The following ULK4 variants were observed in gnomAD, a reference collection of about 807,000 sequenced individuals.
ULK4 encodes inactive serine/threonine-protein kinase ULK4.
A neutral mutation model predicts 160.6 loss-of-function variants in ULK4; 133 were observed. The observed-to-expected ratio is 0.83, with a 90% CI of 0.72 to 0.96. The LOEUF (loss-of-function observed/expected upper bound fraction) is 0.96. Ranked by LOEUF, ULK4 falls within the 40% of genes least tolerant of loss-of-function variation. The pLI, the probability that ULK4 is intolerant of heterozygous loss-of-function variation, is 0.00. For missense variants in ULK4, 1,580 were observed against 1,499.5 expected (o/e 1.05, Z -0.89); for synonymous variants, 534 against 539.8 (o/e 0.99, Z 0.15).
intron 27 of ULK4, among the ~76,000 whole-genome samples, chr3:41,700,341 TAC>T (rs2036632286): frequency 6.6e-6 from 1 of 152,100 alleles, no homozygotes; most frequent in Non-Finnish European, 1.5e-5. Flanking sequence ...CCTCCTAGCA[TAC>T]AGAGTTTTAT....
At chr3:41,584,736 T>C (rs2030665035) in intron 31 of ULK4, among the ~76,000 whole-genome samples, 1 of 152,152 alleles carries the variant, frequency 6.6e-6, no homozygotes. Flanking sequence ...GAAAAATTAG[T>C]AAAGATAAGA....
intron 32 of ULK4, among the ~76,000 whole-genome samples, chr3:41,496,946 C>A (rs2085013160): frequency 6.6e-6 from 1 of 151,148 alleles, no homozygotes; most frequent in Non-Finnish European, 1.5e-5. Context: ...AGGAAGACAA[C>A]AAAATTCAGA....
At chr3:41,759,288 G>A (rs946072293) in intron 21 of ULK4, among the ~76,000 whole-genome samples, 1 of 151,946 alleles carries the variant, frequency 6.6e-6, no homozygotes, top group African/African-American at 2.4e-5. Flanking sequence ...TACAAAAAAA[G>A]CTCCTATAAG....
intron 23 of ULK4, 93 bp from the exon 24 acceptor site, chr3:41,715,661 A>C (rs1288700019): frequency 6.7e-7 from 1 of 1,501,722 alleles, no homozygotes; most frequent in Non-Finnish European, 9.0e-7. Flanking sequence ...GGGACTTCTA[A>C]GGTAATTAAT....
intron 29 of ULK4, among the ~76,000 whole-genome samples, chr3:41,679,614 A>T (rs1319504301): frequency 2.0e-5 from 3 of 152,212 alleles, no homozygotes; most frequent in African/African-American, 7.2e-5. Context: ...ATACTAAAGG[A>T]AATATTTATT....
At chr3:41,286,108 T>C (rs2079451792) in intron 35 of ULK4, among the ~76,000 whole-genome samples, 1 of 152,198 alleles carries the variant, frequency 6.6e-6, no homozygotes, top group African/African-American at 2.4e-5. Context: ...CTCATTTTGA[T>C]GCACACGCTA....
At chr3:41,588,560 C>CT (rs2031007694) in intron 31 of ULK4, among the ~76,000 whole-genome samples, 1 of 152,154 alleles carries the variant, frequency 6.6e-6, no homozygotes, top group African/African-American at 2.4e-5. Context: ...GTCTGCTAGC[C>CT]ATTCTAGCCT....
intron 32 of ULK4, among the ~76,000 whole-genome samples, chr3:41,498,879 G>A (rs972749479): frequency 6.6e-6 from 1 of 152,180 alleles, no homozygotes. Context: ...ACAGGCGTGA[G>A]CCACTGTCTG....
intron 9 of ULK4, 45 bp downstream of exon 9, chr3:41,912,762 G>A: frequency 6.6e-7 from 1 of 1,523,404 alleles, no homozygotes. Flanking sequence ...ATGGGCTTAA[G>A]TGTCCAGTAA....
chr3:41,820,462 C>A (rs2041109920), intron 18 of ULK4, among the ~76,000 whole-genome samples: 1 of 152,166 alleles, frequency 6.6e-6, no homozygotes. Context: ...TATATATCCA[C>A]CACGAAATAC....
At chr3:41,692,197 C>T (rs1222467878) in intron 27 of ULK4, among the ~76,000 whole-genome samples, 4 of 149,584 alleles carry the variant, frequency 2.7e-5, no homozygotes, top group Non-Finnish European at 6.0e-5. Flanking sequence ...GTGATCTGCC[C>T]GCCTCGGCCT....
Position 41,632,382 on chromosome 3 carries a change from G to A in ULK4, c.3072-16665C>T, listed in dbSNP as rs116623128. Among the ~76,000 whole-genome samples, 864 of 152,072 alleles carry A rather than the reference G, an allele frequency of 5.7e-3. 8 individuals are homozygous for A. Among genetic ancestry groups the A allele is most frequent in the African/African-American group, 0.02 (822 of 41,466 alleles). On this transcript the variant is annotated intron_variant, in intron 30 of 36. Transcript: ENST00000301831. ...CTTCCTAAAGTAATTTTTTTGGTCC[G>A]GATAACTTAATGGAATACAAGAGAT...
chr3:41,616,928 G>A (rs967481079), intron 30 of ULK4, among the ~76,000 whole-genome samples: 2 of 152,158 alleles, frequency 1.3e-5, no homozygotes, highest in African/African-American at 4.8e-5. Context: ...AATTGACCTG[G>A]GATGATCTAG....
At position 41,919,732 on chromosome 3, in the gene ULK4, A is replaced by G; in HGVS notation, c.628T>C (p.Tyr210His). 1 of 1,614,042 alleles carries G rather than the reference A, an allele frequency of 6.2e-7. No individual in the cohort carries two copies. Among genetic ancestry groups the G allele is most frequent in the Non-Finnish European group, 8.5e-7 (1 of 1,179,944 alleles). Residue 210 changes from tyrosine (Y) to histidine (H), a missense_variant, in exon 6 of 37, where the codon TAT becomes CAT. Coordinates refer to ENST00000301831, the MANE Select transcript of ULK4 (RefSeq NM_017886.4). ...AAACAATTACCTGAAAACATTTCAT[A>G]AAGCAGACAGCCCAAAGACCAGAGG... Reference protein sequence around the residue: ...SDLWSLGCLLYEMFSGKPPFF... With the variant: ...SDLWSLGCLLHEMFSGKPPFF...
chr3:41,451,170 G>A (rs886601228), intron 34 of ULK4, among the ~76,000 whole-genome samples: 1 of 152,092 alleles, frequency 6.6e-6, no homozygotes, highest in African/African-American at 2.4e-5. Context: ...CAAGGAAACT[G>A]GACCCTGTGC....
At chr3:41,336,586 C>T (rs546369656) in intron 35 of ULK4, among the ~76,000 whole-genome samples, 4 of 152,168 alleles carry the variant, frequency 2.6e-5, no homozygotes, top group African/African-American at 9.7e-5. Flanking sequence ...GATTCAAAGG[C>T]GCAGAAGAAG....
intron 32 of ULK4, among the ~76,000 whole-genome samples, chr3:41,544,742 CTA>C (rs961413350): frequency 6.6e-6 from 1 of 152,126 alleles, no homozygotes; most frequent in Non-Finnish European, 1.5e-5. Context: ...TGACAATGAC[CTA>C]TGAGTAGGGT....
chr3:41,691,174 G>C (rs2036283796), intron 27 of ULK4, among the ~76,000 whole-genome samples: 4 of 151,846 alleles, frequency 2.6e-5, no homozygotes, highest in Admixed American at 6.6e-5. Flanking sequence ...GGTAAAGGAA[G>C]AACTGCCTCA....
chr3:41,935,546 A>G (rs1005296745), intron 4 of ULK4, among the ~76,000 whole-genome samples: 3 of 151,468 alleles, frequency 2.0e-5, no homozygotes, highest in African/African-American at 7.3e-5. Context: ...TTTTTAGTAA[A>G]GATGGGGTTT....
Sources: allele counts gnomAD v4.1 joint callset (sites outside exome capture counted in the v4.1 genomes callset), GRCh38; gene constraint gnomAD v4.1.1; transcripts MANE v1.5; gene names NCBI Gene and HGNC (gene_info 2026-07-23, HGNC 2026-07-21).